ZNF385B: variants seen among roughly 807,000 people sequenced by gnomAD.
ZNF385B encodes the protein zinc finger protein 385B.
ZNF385B carries 23 observed loss-of-function variants against 39.2 expected under a neutral mutation model. The observed-to-expected ratio is 0.59, with a 90% CI of 0.42 to 0.83. The LOEUF is 0.83. ZNF385B is among the 40% of genes least tolerant of loss of function. The pLI is 0.00. For synonymous variants in ZNF385B, 205 were observed against 222.6 expected, an observed-to-expected ratio of 0.92 and a Z score of 0.70; for missense variants, 552 against 598.9, an observed-to-expected ratio of 0.92 and a Z score of 0.82.
chr2:179,489,334 C>A, intron 5 of ZNF385B, among the ~76,000 whole-genome samples: 1 of 152,116 alleles, frequency 6.6e-6, no homozygotes, highest in Non-Finnish European at 1.5e-5. Flanking sequence ...TTCCCTGTAC[C>A]ACAAAAACAT....
chr2:179,771,764 TATC>T (rs1421447912), intron 1 of ZNF385B, among the ~76,000 whole-genome samples: 1 of 152,224 alleles, frequency 6.6e-6, no homozygotes, highest in Non-Finnish European at 1.5e-5. Flanking sequence ...TATTAAAACA[TATC>T]ATAAGAATTA....
At chr2:179,536,080 CA>C (rs2059548147) in intron 4 of ZNF385B, among the ~76,000 whole-genome samples, 1 of 152,102 alleles carries the variant, frequency 6.6e-6, no homozygotes, top group Non-Finnish European at 1.5e-5. Flanking sequence ...ATGTTTTATA[CA>C]ATAACATTTT....
chr2:179,852,958 T>C (rs1684299205), intron 1 of ZNF385B, among the ~76,000 whole-genome samples: 2 of 152,188 alleles, frequency 1.3e-5, no homozygotes, highest in Non-Finnish European at 2.9e-5. Context: ...GGAATGAGAC[T>C]ATATCTTGCC....
At position 179,663,100 on chromosome 2, in the gene ZNF385B, C is replaced by T. The variant is rs138718721; in HGVS notation, c.298+106403G>A. On this transcript the variant is annotated intron_variant, in intron 3 of 9. Transcript: ENST00000410066. The stretch of plus-strand genomic sequence containing the variant: ...AGGCCAATTACTCACCTTGCATGAA[C>T]TTCTGTAATATTGACGGTGTGAGGA... Among the ~76,000 whole-genome samples the T allele has an allele frequency of 5.0e-3, 762 of 152,244 alleles. 4 individuals carry two copies. The highest frequency in any genetic ancestry group is 0.017 in the African/African-American group (701 of 41,534).
intron 6 of ZNF385B, among the ~76,000 whole-genome samples, chr2:179,449,799 T>C (rs558877259): frequency 0.043 from 6,604 of 152,142 alleles, 477 homozygotes; most frequent in African/African-American, 0.15. Context: ...GCCAAGTCAA[T>C]CCTAAGCCAA....
intron 3 of ZNF385B, among the ~76,000 whole-genome samples, chr2:179,623,128 T>C (rs934594083): frequency 2.6e-5 from 4 of 152,162 alleles, no homozygotes; most frequent in Non-Finnish European, 5.9e-5. Flanking sequence ...TTGAGGCATG[T>C]TTGGATTGCA....
chr2:179,602,585 C>T (rs1346090749), intron 3 of ZNF385B, among the ~76,000 whole-genome samples: 1 of 152,004 alleles, frequency 6.6e-6, no homozygotes, highest in East Asian at 1.9e-4. Context: ...ATTTTTTAAA[C>T]TACGCAAGGG....
intron 1 of ZNF385B, among the ~76,000 whole-genome samples, chr2:179,786,028 T>G (rs1415140473): frequency 3.3e-5 from 5 of 152,106 alleles, no homozygotes; most frequent in Non-Finnish European, 7.4e-5. Context: ...CACCCCAACC[T>G]TCAGCAAGCA....
chr2:179,515,923 A>G (rs540611196), intron 5 of ZNF385B, among the ~76,000 whole-genome samples: 8 of 152,160 alleles, frequency 5.3e-5, no homozygotes, highest in African/African-American at 1.4e-4. Context: ...TTTCTGGTCA[A>G]TTCCCTAACT....
intron 1 of ZNF385B, among the ~76,000 whole-genome samples, chr2:179,801,505 T>A (rs1706032070): frequency 6.6e-6 from 1 of 152,130 alleles, no homozygotes; most frequent in South Asian, 2.1e-4. Flanking sequence ...CCCTCCTCTG[T>A]GCTAAGGTGC....
chr2:179,639,319 G>A (rs1692060715), intron 3 of ZNF385B, among the ~76,000 whole-genome samples: 1 of 151,598 alleles, frequency 6.6e-6, no homozygotes, highest in African/African-American at 2.4e-5. Context: ...TAGTTAGACA[G>A]GATGGAGTCC....
intron 3 of ZNF385B, among the ~76,000 whole-genome samples, chr2:179,716,457 C>T (rs919725450): frequency 6.6e-6 from 1 of 152,028 alleles, no homozygotes; most frequent in Non-Finnish European, 1.5e-5. Flanking sequence ...TGGGAAAATG[C>T]TTTAGAGGCA....
chr2:179,623,161 T>C (rs1305923725), intron 3 of ZNF385B, among the ~76,000 whole-genome samples: 3 of 152,048 alleles, frequency 2.0e-5, no homozygotes, highest in Non-Finnish European at 4.4e-5. Flanking sequence ...GAACAGAAAA[T>C]CAAGATTCAC....
At chr2:179,454,384 A>G (rs1466298509) in intron 6 of ZNF385B, among the ~76,000 whole-genome samples, 1 of 152,252 alleles carries the variant, frequency 6.6e-6, no homozygotes, top group Admixed American at 6.5e-5. Context: ...ATATAAAAGT[A>G]TAGCACACAC....
In ZNF385B at chr2:179,477,541, T is replaced by C. The variant is rs543369467; in HGVS notation, c.715+5731A>G. Among the ~76,000 whole-genome samples the C allele has an allele frequency of 9.2e-5, 14 of 152,278 alleles. No homozygotes were observed. In the East Asian group the frequency reaches 1.7e-3, roughly 19 times the overall value. On this transcript the variant is annotated intron_variant, in intron 6 of 9. Coordinates refer to ENST00000410066, the MANE Select transcript of ZNF385B (RefSeq NM_152520.6). ...ACTATCTCCCTGCCCTCAGTGGAAA[T>C]ATTTTAGGTAAAATGATTCAAAATG...
At chr2:179,609,447 ATGTACCAC>A (rs1689105780) in intron 3 of ZNF385B, among the ~76,000 whole-genome samples, 1 of 152,166 alleles carries the variant, frequency 6.6e-6, no homozygotes, top group African/African-American at 2.4e-5. Flanking sequence ...CATTGTGTAT[ATGTACCAC>A]ATTTTCTTAT....
chr2:179,760,231 T>C (rs1013608801), intron 3 of ZNF385B, among the ~76,000 whole-genome samples: 43 of 151,398 alleles, frequency 2.8e-4, no homozygotes, highest in East Asian at 1.4e-3. Flanking sequence ...TGCGTGTGTG[T>C]GTGTGTGTGT....
intron 4 of ZNF385B, among the ~76,000 whole-genome samples, chr2:179,531,293 C>T (rs991053621): frequency 1.3e-5 from 2 of 152,118 alleles, no homozygotes; most frequent in Non-Finnish European, 2.9e-5. Context: ...CCAAACATTG[C>T]ATGGCACATA....
At chr2:179,736,322 C>G (rs1701752993) in intron 3 of ZNF385B, among the ~76,000 whole-genome samples, 1 of 151,942 alleles carries the variant, frequency 6.6e-6, no homozygotes, top group Non-Finnish European at 1.5e-5. Context: ...TTTTTTTTCT[C>G]TATCAATTTT....
Sources: allele counts gnomAD v4.1 joint callset (sites outside exome capture counted in the v4.1 genomes callset), GRCh38; gene constraint gnomAD v4.1.1; transcripts MANE v1.5; gene names NCBI Gene and HGNC (gene_info 2026-07-23, HGNC 2026-07-21).